AURKB: variants seen among roughly 807,000 people sequenced by gnomAD.
The protein encoded by AURKB is aurora kinase B-Sv1.
In AURKB, 28 loss-of-function variants were observed where a neutral mutation model predicts 36.5. The observed-to-expected ratio is 0.77, with a 90% CI of 0.57 to 1.05. The LOEUF is 1.05. AURKB is among the 50% of genes least tolerant of loss of function. The pLI is 0.00. For synonymous variants in AURKB, 175 were observed against 172.9 expected (o/e 1.01, Z -0.09); for missense variants, 383 against 447.4 (o/e 0.86, Z 1.30).
chr17:8,205,408 C>G lies in AURKB; in HGVS notation c.687-18G>C, dbSNP rs768421687. On this transcript the variant is annotated intron_variant, in intron 7 of 8. Coordinates refer to ENST00000585124, the MANE Select transcript of AURKB (RefSeq NM_004217.4). Reference sequence around the variant, plus strand: ...TCTTCCTCCTGGGAGGGATAAGGGGCGTGGGCAGGGGTCCTAGTGACATAG... The same window carrying G: ...TCTTCCTCCTGGGAGGGATAAGGGGGGTGGGCAGGGGTCCTAGTGACATAG... 1 of 1,612,260 alleles carries G rather than the reference C, an allele frequency of 6.2e-7. No individual in the cohort carries two copies. Among genetic ancestry groups the G allele is most frequent in the Admixed American group, 1.7e-5 (1 of 59,886 alleles).
chr17:8,207,244 C>T lies in AURKB; in HGVS notation c.330G>A (p.Lys110=). 6.2e-7 allele frequency: 1 copy of T among 1,614,170 alleles called. No individual in the cohort carries two copies. Among genetic ancestry groups the T allele is most frequent in the East Asian group, 2.2e-5 (1 of 44,884 alleles). The change falls in exon 5 of 9, where the codon AAG becomes AAA. Residue 110 remains lysine (K), a synonymous_variant. Coordinates refer to ENST00000585124, the MANE Select transcript of AURKB (RefSeq NM_004217.4). ...CCACGCCCTCCTTCTCTATCTGGGACTTGAAGAGGACCTTGAGCGCCACGA... is the reference window on the plus strand; with the variant it reads ...CCACGCCCTCCTTCTCTATCTGGGATTTGAAGAGGACCTTGAGCGCCACGA... The part of the protein sequence containing the change: ...HFIVALKVLF[K]SQIEKEGVEH...
intron 7 of AURKB, 89 bp from the exon 8 acceptor site, chr17:8,205,479 A>C: frequency 5.3e-6 from 8 of 1,495,806 alleles, no homozygotes; most frequent in Non-Finnish European, 7.3e-6. Flanking sequence ...CCAAAAGACC[A>C]CGGGATGTAC....
chr17:8,209,660 T>A (rs1985848188), intron 2 of AURKB, among the ~76,000 whole-genome samples: 1 of 152,206 alleles, frequency 6.6e-6, no homozygotes. Context: ...AAAGGTGGCA[T>A]TTCAAATCAG....
chr17:8,209,658 C>T (rs1426266838), intron 2 of AURKB, among the ~76,000 whole-genome samples: 1 of 152,156 alleles, frequency 6.6e-6, no homozygotes, highest in Non-Finnish European at 1.5e-5. Flanking sequence ...ATAAAGGTGG[C>T]ATTTCAAATC....
rs1033492004 is a variant in AURKB, at chr17:8,207,755, G to T, written c.134C>A (p.Ser45Tyr). ...TPSALVLMSR[S>Y]NVQPTAAPGQ... The stretch of plus-strand genomic sequence containing the variant: ...CCAGTTACCTGTGGGCTGGACATTG[G>T]AGCGGCTCATGAGGACAAGTGCAGA... The change falls in exon 3 of 9, where the codon TCC becomes TAC. Residue 45 changes from serine to tyrosine, a missense_variant. By Grantham distance (144) the Ser-to-Tyr change is moderately radical. Around this residue, in one of 3 missense-constraint regions of AURKB, gnomAD observed 105 missense variants for 95.7 expected, o/e 1.10. Coordinates refer to ENST00000585124, the MANE Select transcript of AURKB (RefSeq NM_004217.4). The T allele has an allele frequency of 1.2e-6, 2 of 1,614,164 alleles. No homozygotes were observed. The highest frequency in any genetic ancestry group is 1.7e-6 in the Non-Finnish European group (2 of 1,180,024).
At position 8,206,982 on chromosome 17, in the gene AURKB, G is replaced by C. The variant is rs776949719; in HGVS notation, c.399-94C>G. 6.4e-7 allele frequency: 1 copy of C among 1,567,650 alleles called. No homozygotes were observed. The highest frequency in any genetic ancestry group is 8.7e-7 in the Non-Finnish European group (1 of 1,153,858). On this transcript the variant is annotated intron_variant, in intron 5 of 8. Coordinates refer to ENST00000585124, the MANE Select transcript of AURKB (RefSeq NM_004217.4). The surrounding 1 kb of genome is among the most constrained non-coding windows in gnomAD (Gnocchi z 4.2). ...ACTGGGGTCAGACGTGGCCCAGGCC[G>C]GGGACACCAGGGCTGGGAGTGGTAA...
chr17:8,207,756 A>G lies in AURKB; in HGVS notation c.133T>C (p.Ser45Pro). 1 of 1,614,062 alleles carries G rather than the reference A, an allele frequency of 6.2e-7. No individual in the cohort carries two copies. Among genetic ancestry groups the G allele is most frequent in the Non-Finnish European group, 8.5e-7 (1 of 1,180,012 alleles). ...TPSALVLMSRSNVQPTAAPGQ... is the reference protein window; with the variant it reads ...TPSALVLMSRPNVQPTAAPGQ... ...CAGTTACCTGTGGGCTGGACATTGG[A>G]GCGGCTCATGAGGACAAGTGCAGAT... is the stretch of plus-strand genomic sequence containing the variant. Residue 45 changes from serine to proline, a missense_variant, in exon 3 of 9, where the codon TCC becomes CCC. Ser to Pro is a moderately conservative substitution (Grantham distance 74). Coordinates refer to ENST00000585124, the MANE Select transcript of AURKB (RefSeq NM_004217.4).
rs146905713 is a variant in AURKB, at chr17:8,206,565, T to G, written c.612A>C (p.Glu204Asp). The change falls in exon 7 of 9, where the codon GAA becomes GAC. Residue 204 changes from glutamate to aspartate, a missense_variant. By Grantham distance (45) the Glu-to-Asp change is conservative. This residue lies in a region of AURKB where 219 missense variants were observed against 252.6 expected (regional missense o/e 0.87). Transcript: ENST00000585124. The surrounding 1 kb of genome is among the most constrained non-coding windows in gnomAD (Gnocchi z 4.2). ...CTCCCTTGAGCCCTAAGAGCAGATT[T>G]TCTGGCTTTATGTCTCTGTGAATCA... ...KKVIHRDIKPENLLLGLKGEL... is the reference protein window; with the variant it reads ...KKVIHRDIKPDNLLLGLKGEL... 1 of 1,614,212 alleles carries G rather than the reference T, an allele frequency of 6.2e-7. No individual in the cohort carries two copies. Among genetic ancestry groups the G allele is most frequent in the Non-Finnish European group, 8.5e-7 (1 of 1,180,032 alleles).
intron 2 of AURKB, chr17:8,209,833 A>C: frequency 2.5e-6 from 1 of 404,058 alleles, no homozygotes; most frequent in Non-Finnish European, 4.4e-6. Flanking sequence ...GTCTATTTCT[A>C]TTTGCTGTCT....
intron 8 of AURKB, 71 bp downstream of exon 8, chr17:8,205,145 C>T (rs2097990878): frequency 2.3e-5 from 35 of 1,550,292 alleles, no homozygotes; most frequent in Non-Finnish European, 2.8e-5. Context: ...CATGCAAATA[C>T]ACTCTGCCCA....
intron 4 of AURKB, 81 bp downstream of exon 4, chr17:8,207,490 G>T (rs534848607): frequency 2.5e-5 from 40 of 1,572,288 alleles, no homozygotes; most frequent in Non-Finnish European, 6.1e-6. Context: ...TACTCCTCCC[G>T]TGCTTAGGTT....
In AURKB at chr17:8,210,239, G is replaced by T. The variant is rs201950509; in HGVS notation, c.-15C>A. Reference sequence around the variant, plus strand: ...TTCTGGGCCATCCTTAGAGAGAAAGGGGGAGGAGAGCTGGGCGGAGAAGGG... The same window carrying T: ...TTCTGGGCCATCCTTAGAGAGAAAGTGGGAGGAGAGCTGGGCGGAGAAGGG... On this transcript the variant is annotated 5_prime_UTR_variant, in exon 2 of 9. Coordinates refer to ENST00000585124, the MANE Select transcript of AURKB (RefSeq NM_004217.4). The T allele has an allele frequency of 5.6e-6, 9 of 1,595,392 alleles. No individual in the cohort carries two copies. The highest frequency in any genetic ancestry group is 1.7e-4 in the Middle Eastern group (1 of 6,008).
intron 2 of AURKB, among the ~76,000 whole-genome samples, chr17:8,209,277 C>T (rs866134377): frequency 1.4e-4 from 22 of 152,240 alleles, no homozygotes; most frequent in African/African-American, 5.3e-4. Context: ...CCTCCCAGTG[C>T]TGGGATTACA....
chr17:8,206,458 C>T lies in AURKB; in HGVS notation c.686+33G>A, dbSNP rs1351045715. 4.3e-6 allele frequency: 7 copies of T among 1,613,052 alleles called. No individual in the cohort carries two copies. In the African/African-American group the frequency reaches 9.3e-5, roughly 22 times the overall value. ...TGGAGAGGTTTTAATGGCCCAGCCT[C>T]ACACCCAGGTCTGGCCTCCCAGGCC... On this transcript the variant is annotated intron_variant, in intron 7 of 8. Transcript: ENST00000585124. The surrounding 1 kb of genome is among the most constrained non-coding windows in gnomAD (Gnocchi z 4.2).
intron 2 of AURKB, among the ~76,000 whole-genome samples, chr17:8,209,075 C>T (rs1398593731): frequency 6.7e-5 from 10 of 149,036 alleles, no homozygotes; most frequent in Non-Finnish European, 1.3e-4. Flanking sequence ...GGCTGGAGTG[C>T]AATGGTGCCA....
chr17:8,209,064 A>G lies in AURKB; in HGVS notation c.48+1113T>C, dbSNP rs939096484. Among the ~76,000 whole-genome samples the G allele has an allele frequency of 2.1e-5, 3 of 142,932 alleles. No homozygotes were observed. The South Asian group carries it at 6.6e-4, about 31-fold the overall frequency. The allele number at this position is 142,932 out of a possible 152,430, so 93.8% of individuals were successfully genotyped here. A position where few individuals can be genotyped will look rare whatever the true frequency, so the allele number is the denominator to read the frequency against. On this transcript the variant is annotated intron_variant, in intron 2 of 8. Transcript: ENST00000585124. ...GAGATGGAGTCTCGCTCTATTACCC[A>G]GGCTGGAGTGCAATGGTGCCATCTC...
rs1486265264 is a variant in AURKB at position 8,205,336 on chromosome 17, C to T, written c.741G>A (p.Gly247=). 1.2e-6 allele frequency: 2 copies of T among 1,614,214 alleles called. No individual in the cohort carries two copies. Among genetic ancestry groups the T allele is most frequent in the Non-Finnish European group, 8.5e-7 (1 of 1,180,032 alleles). ...GATCCACCTTCTCATTGTGCATGCG[C>T]CCCTCAATCATCTCTGGGGGCAGGT... is the stretch of plus-strand genomic sequence containing the variant. ...LDYLPPEMIE[G]RMHNEKVDLW... Residue 247 remains glycine, a synonymous_variant, in exon 8 of 9, where the codon GGG becomes GGA. Transcript: ENST00000585124.
chr17:8,210,386 C>A, intron 1 of AURKB, 137 bp from the exon 2 acceptor site: 1 of 671,092 alleles, frequency 1.5e-6, no homozygotes, highest in South Asian at 1.7e-5. Context: ...AATCTGGGCG[C>A]TGGTCTCACC....
chr17:8,210,445 G>A lies in AURKB; in HGVS notation c.-26+85C>T. The A allele has an allele frequency of 1.1e-5, 6 of 567,734 alleles. No individual in the cohort carries two copies. The South Asian group carries it at 1.3e-4, about 13-fold the overall frequency. The allele number at this position is 567,734 out of a possible 1,614,324, so 35.2% of individuals were successfully genotyped here. On this transcript the variant is annotated intron_variant, in intron 1 of 8. Transcript: ENST00000585124. ...ACCTCCTTCCAGCCCTGCGGCGTGC[G>A]CGCAGGCCAGCCCAACGGACCCTCT...
Sources: gnomAD v4.1 joint callset for allele counts (sites outside exome capture counted in the v4.1 genomes callset) on GRCh38, gnomAD v4.1.1 for gene constraint, gnomAD v4.1.1 regional missense constraint, Gnocchi (gnomAD v3.1) non-coding constraint, MANE v1.5 for transcripts, NCBI Gene and HGNC (gene_info 2026-07-23, HGNC 2026-07-21) for gene names.